The following NRG1 variants were observed in gnomAD, a reference collection of about 807,000 sequenced individuals.
NRG1 encodes pro-neuregulin-1, membrane-bound isoform.
In NRG1, 18 loss-of-function variants were observed where a neutral mutation model predicts 63.8. The observed-to-expected ratio is 0.28, with a 90% CI of 0.19 to 0.42. The LOEUF (loss-of-function observed/expected upper bound fraction) is 0.42. NRG1 is among the 10% of genes least tolerant of loss of function. NRG1 has a pLI of 1.00. For synonymous variants in NRG1, 302 were observed against 301.3 expected (o/e 1.00, Z -0.02); for missense variants, 762 against 814.7 (o/e 0.94, Z 0.79).
chr8:31,982,392 A>C (rs1809282887), intron 1 of NRG1, among the ~76,000 whole-genome samples: 1 of 152,096 alleles, frequency 6.6e-6, no homozygotes, highest in Admixed American at 6.6e-5. Context: ...GAAGGCTATC[A>C]CAAAGAGAAA....
At chr8:31,761,466 TAAATAA>T (rs1395802172) in intron 1 of NRG1, among the ~76,000 whole-genome samples, 3 of 151,946 alleles carry the variant, frequency 2.0e-5, no homozygotes, top group Admixed American at 6.6e-5. Flanking sequence ...AAAAAATAAA[TAAATAA>T]AAATAAAAAT....
chr8:32,277,686 C>A (rs1187777059), intron 1 of NRG1, among the ~76,000 whole-genome samples: 1 of 152,120 alleles, frequency 6.6e-6, no homozygotes, highest in African/African-American at 2.4e-5. Flanking sequence ...ACATTTTTAA[C>A]TATCGGGAGT....
intron 1 of NRG1, among the ~76,000 whole-genome samples, chr8:32,397,635 G>A (rs1351991732): frequency 6.6e-6 from 1 of 151,500 alleles, no homozygotes; most frequent in Non-Finnish European, 1.5e-5. Flanking sequence ...TGGAGTTTCT[G>A]ACTATTTGTC....
chr8:32,526,685 T>A (rs1001876467), intron 1 of NRG1, among the ~76,000 whole-genome samples: 3 of 152,182 alleles, frequency 2.0e-5, no homozygotes, highest in African/African-American at 7.2e-5. Flanking sequence ...ACCTCCATCT[T>A]GCACAATCCA....
intron 1 of NRG1, among the ~76,000 whole-genome samples, chr8:31,722,069 A>G (rs1227641050): frequency 6.6e-6 from 1 of 152,056 alleles, no homozygotes; most frequent in Non-Finnish European, 1.5e-5. Flanking sequence ...TCTCCTGCTT[A>G]AAATCTTCCA....
At chr8:32,685,106 G>A (rs866122866) in intron 5 of NRG1, among the ~76,000 whole-genome samples, 2 of 152,022 alleles carry the variant, frequency 1.3e-5, no homozygotes, top group African/African-American at 4.8e-5. Flanking sequence ...TTTCATCAGC[G>A]CAGGAATGTG....
At chr8:32,054,001 T>C (rs1326531876) in intron 1 of NRG1, among the ~76,000 whole-genome samples, 3 of 152,208 alleles carry the variant, frequency 2.0e-5, no homozygotes, top group Admixed American at 6.6e-5. Flanking sequence ...TGAAAAAATA[T>C]AGACAGTTAA....
chr8:31,739,702 A>T (rs1273634954), intron 1 of NRG1, among the ~76,000 whole-genome samples: 1 of 152,110 alleles, frequency 6.6e-6, no homozygotes, highest in Non-Finnish European at 1.5e-5. Flanking sequence ...AATATTGTGT[A>T]CTGCTTACTG....
intron 1 of NRG1, among the ~76,000 whole-genome samples, chr8:32,363,829 A>T (rs1382457787): frequency 6.6e-6 from 1 of 152,150 alleles, no homozygotes; most frequent in African/African-American, 2.4e-5. Flanking sequence ...CAGATAAATG[A>T]TTGCCAGGGG....
chr8:32,165,937 A>G (rs894503590), intron 1 of NRG1, among the ~76,000 whole-genome samples: 3 of 152,130 alleles, frequency 2.0e-5, no homozygotes, highest in Admixed American at 2.0e-4. Flanking sequence ...CGGTCAGCCC[A>G]TTGCTTGTGT....
At chr8:32,403,621 C>T (rs1272436082) in intron 1 of NRG1, among the ~76,000 whole-genome samples, 2 of 152,138 alleles carry the variant, frequency 1.3e-5, no homozygotes, top group Non-Finnish European at 2.9e-5. Flanking sequence ...CCTTTATACG[C>T]TCATGTTTCA....
chr8:32,383,123 G>A (rs778611177), intron 1 of NRG1, among the ~76,000 whole-genome samples: 1 of 152,052 alleles, frequency 6.6e-6, no homozygotes, highest in Non-Finnish European at 1.5e-5. Flanking sequence ...CTACTCAGGA[G>A]GCTGAGGTGG....
intron 1 of NRG1, among the ~76,000 whole-genome samples, chr8:32,208,414 T>C (rs1844304601): frequency 6.6e-6 from 1 of 151,776 alleles, no homozygotes; most frequent in Non-Finnish European, 1.5e-5. Flanking sequence ...CCCTCCACCA[T>C]GCCCAGCTAA....
chr8:32,039,755 A>G, intron 1 of NRG1, among the ~76,000 whole-genome samples: 1 of 152,136 alleles, frequency 6.6e-6, no homozygotes, highest in East Asian at 1.9e-4. Flanking sequence ...ATGGTGGTTC[A>G]TGCCTGTTAT....
At chr8:31,693,973 G>T (rs577074051) in intron 1 of NRG1, among the ~76,000 whole-genome samples, 28 of 152,216 alleles carry the variant, frequency 1.8e-4, no homozygotes, top group African/African-American at 6.0e-4. Context: ...GAGTAGGTGG[G>T]ACTATAGGAG....
intron 1 of NRG1, among the ~76,000 whole-genome samples, chr8:32,279,287 C>G (rs1408182104): frequency 6.6e-6 from 1 of 152,200 alleles, no homozygotes; most frequent in East Asian, 1.9e-4. Context: ...TGCAAGAGTC[C>G]TGTGGCATGG....
chr8:32,310,034 G>A (rs890626686), intron 1 of NRG1, among the ~76,000 whole-genome samples: 19 of 152,286 alleles, frequency 1.2e-4, no homozygotes, highest in African/African-American at 3.8e-4. Context: ...CCACAAGCGC[G>A]TGGCAGAGGT....
chr8:32,627,336 A>G (rs1207197751), intron 5 of NRG1, among the ~76,000 whole-genome samples: 1 of 152,228 alleles, frequency 6.6e-6, no homozygotes, highest in Non-Finnish European at 1.5e-5. Context: ...AAACATGACT[A>G]TAGTATGGTA....
At chr8:32,430,660 G>C (rs1431206499) in intron 1 of NRG1, among the ~76,000 whole-genome samples, 1 of 152,136 alleles carries the variant, frequency 6.6e-6, no homozygotes, top group Non-Finnish European at 1.5e-5. Context: ...TCTAAATGAT[G>C]ATTAAATGGT....
Sources: allele counts gnomAD v4.1 joint callset (sites outside exome capture counted in the v4.1 genomes callset), GRCh38; gene constraint gnomAD v4.1.1; transcripts MANE v1.5; gene names NCBI Gene and HGNC (gene_info 2026-07-23, HGNC 2026-07-21).